The following JARID2 variants were observed in gnomAD, a reference collection of about 807,000 sequenced individuals.
JARID2 encodes the protein protein Jumonji.
In JARID2, 21 loss-of-function variants were observed where a neutral mutation model predicts 125.6. That is an observed-to-expected ratio of 0.17 (90% CI 0.12 to 0.24). The LOEUF (loss-of-function observed/expected upper bound fraction) is 0.24. JARID2 is among the 10% of genes least tolerant of loss of function. The pLI, the probability that JARID2 is intolerant of heterozygous loss-of-function variation, is 1.00. For missense variants in JARID2, 1,303 were observed against 1,639.6 expected, an observed-to-expected ratio of 0.79 and a Z score of 3.55; for synonymous variants, 736 against 661.6, an observed-to-expected ratio of 1.11 and a Z score of -1.73.
intron 1 of JARID2, chr6:15,248,896 G>GGAGGAGGAA (rs1313478985): frequency 1.2e-4 from 117 of 985,402 alleles, no homozygotes; most frequent in Non-Finnish European, 1.4e-4. Flanking sequence ...CTGCGGCGTG[G>GGAGGAGGAA]GAGGAGGAAG....
chr6:15,394,833 T>C (rs1765157480), intron 2 of JARID2, among the ~76,000 whole-genome samples: 1 of 152,062 alleles, frequency 6.6e-6, no homozygotes, highest in African/African-American at 2.4e-5. Context: ...CTGCCACACA[T>C]GCAGGACTCA....
chr6:15,484,326 C>T (rs1415637888), intron 5 of JARID2, among the ~76,000 whole-genome samples: 1 of 152,190 alleles, frequency 6.6e-6, no homozygotes, highest in African/African-American at 2.4e-5. Flanking sequence ...CATGGTCTGG[C>T]ATGAGTAGGA....
rs1222250099 is a variant in JARID2 at position 15,521,088 on chromosome 6, AAAAG to A, written c.*838_*841del. 1 of 160,820 alleles carries A rather than the reference AAAAG, an allele frequency of 6.2e-6. No individual in the cohort carries two copies. The highest frequency in any genetic ancestry group is 1.4e-5 in the Non-Finnish European group (1 of 73,402). The allele number at this position is 160,820 out of a possible 1,614,324, so 10.0% of individuals were successfully genotyped here. A position where few individuals can be genotyped will look rare whatever the true frequency, so the allele number is the denominator to read the frequency against. ...TTAAGATTTAAAAAAAAAAAAAAAA[AAAAG>A]GAAAAAAAAGTGATGGAAGCCGTAA... On this transcript the variant is annotated 3_prime_UTR_variant, in exon 18 of 18. Coordinates refer to ENST00000341776, the MANE Select transcript of JARID2 (RefSeq NM_004973.4).
intron 4 of JARID2, among the ~76,000 whole-genome samples, chr6:15,464,604 GCTTAAC>G (rs1350807492): frequency 1.3e-5 from 2 of 152,290 alleles, no homozygotes; most frequent in East Asian, 3.9e-4. Context: ...AGGGGTACAA[GCTTAAC>G]CTCTGAACTA....
intron 4 of JARID2, among the ~76,000 whole-genome samples, chr6:15,467,330 G>T (rs554624278): frequency 9.2e-5 from 14 of 152,180 alleles, no homozygotes; most frequent in Non-Finnish European, 1.9e-4. Context: ...TCTCTTCGGT[G>T]ATGTTACTGG....
In JARID2 at chr6:15,331,055, A is replaced by G. The variant is rs1217445975; in HGVS notation, c.46-43062A>G. On this transcript the variant is annotated intron_variant, in intron 1 of 17. Transcript: ENST00000341776. ...TTAACTACTCATTTAATAAAGCAAA[A>G]AGGCTGGATGTGATAGCTCACACCT... Among the ~76,000 whole-genome samples, 3 of 152,098 alleles carry G rather than the reference A, an allele frequency of 2.0e-5. No homozygotes were observed. In the East Asian group the frequency reaches 5.8e-4, roughly 29 times the overall value.
At chr6:15,259,747 A>G (rs1260744082) in intron 1 of JARID2, among the ~76,000 whole-genome samples, 1 of 152,158 alleles carries the variant, frequency 6.6e-6, no homozygotes, top group Non-Finnish European at 1.5e-5. Context: ...TGGGACTCCT[A>G]GCTGGTTACA....
At chr6:15,305,304 G>C (rs1323863400) in intron 1 of JARID2, among the ~76,000 whole-genome samples, 1 of 152,026 alleles carries the variant, frequency 6.6e-6, no homozygotes, top group Non-Finnish European at 1.5e-5. Flanking sequence ...TTCTTATTCA[G>C]AGAGCAACTC....
intron 1 of JARID2, among the ~76,000 whole-genome samples, chr6:15,308,106 C>T (rs1445636944): frequency 2.0e-5 from 3 of 152,224 alleles, no homozygotes; most frequent in African/African-American, 4.8e-5. Flanking sequence ...GGAATACCCT[C>T]ACCCCTTAGC....
At chr6:15,422,248 G>T (rs191608333) in intron 3 of JARID2, among the ~76,000 whole-genome samples, 4 of 152,178 alleles carry the variant, frequency 2.6e-5, no homozygotes, top group Non-Finnish European at 4.4e-5. Context: ...CCTTCTGGAC[G>T]AATACTCTTT....
intron 2 of JARID2, among the ~76,000 whole-genome samples, chr6:15,400,243 C>G (rs936852470): frequency 2.6e-5 from 4 of 151,578 alleles, no homozygotes; most frequent in Admixed American, 6.6e-5. Flanking sequence ...GTGGCCCATG[C>G]GGTCACTTCA....
At position 15,504,723 on chromosome 6, in the gene JARID2, C is replaced by A. The variant is rs2127751050; in HGVS notation, c.2541+131C>A. ...GGACTCAGATGGGGCTGAGTTCGTC[C>A]TCTGTGTTGAGCGTGCACCAGGGCA... On this transcript the variant is annotated intron_variant, in intron 9 of 17. Transcript: ENST00000341776. 1.1e-5 allele frequency: 7 copies of A among 648,252 alleles called. No individual in the cohort carries two copies. The South Asian group carries it at 1.2e-4, about 11-fold the overall frequency. The allele number at this position is 648,252 out of a possible 1,614,324, so 40.2% of individuals were successfully genotyped here. A position where few individuals can be genotyped will look rare whatever the true frequency, so the allele number is the denominator to read the frequency against.
At chr6:15,348,344 C>G (rs961899150) in intron 1 of JARID2, among the ~76,000 whole-genome samples, 1 of 152,146 alleles carries the variant, frequency 6.6e-6, no homozygotes, top group Admixed American at 6.5e-5. Flanking sequence ...TCTGCCTCAG[C>G]CTCCCAAAGT....
intron 1 of JARID2, among the ~76,000 whole-genome samples, chr6:15,322,957 G>C (rs1179465284): frequency 6.6e-6 from 1 of 152,182 alleles, no homozygotes; most frequent in Non-Finnish European, 1.5e-5. Context: ...AAAATTCCAA[G>C]CTGTTCTGAA....
Position 15,501,338 on chromosome 6 carries a change from G to C in JARID2, c.2377G>C (p.Glu793Gln). Residue 793 changes from glutamate to glutamine, a missense_variant, in exon 8 of 18, where the codon GAA (glutamate) becomes CAA (glutamine). Physicochemically the swap from Glu to Gln is conservative, Grantham distance 29 (BLOSUM62 2). This residue lies in a region of JARID2 where 124 missense variants were observed against 131.0 expected (regional missense o/e 0.95). Transcript: ENST00000341776. ...TGGCCGGCGGCGACTCTTCGCTCAG[G>C]AAAAAGAAGTGGTCAAGGAAGAGGA... The part of the protein sequence containing the change: ...KTGRRRLFAQ[E>Q]KEVVKEEEED... 1 of 1,602,310 alleles carries C rather than the reference G, an allele frequency of 6.2e-7. No individual in the cohort carries two copies.
At chr6:15,322,026 C>T (rs1277449023) in intron 1 of JARID2, among the ~76,000 whole-genome samples, 2 of 151,970 alleles carry the variant, frequency 1.3e-5, no homozygotes, top group East Asian at 1.9e-4. Flanking sequence ...CTCCTGACTT[C>T]GTTGTTCGCC....
intron 1 of JARID2, among the ~76,000 whole-genome samples, chr6:15,281,954 G>C (rs1561767086): frequency 6.6e-6 from 1 of 151,846 alleles, no homozygotes; most frequent in Non-Finnish European, 1.5e-5. Flanking sequence ...GTGTGTGTGT[G>C]TGTGTGTGTG....
chr6:15,292,310 C>T (rs1373088747), intron 1 of JARID2, among the ~76,000 whole-genome samples: 3 of 152,122 alleles, frequency 2.0e-5, no homozygotes, highest in South Asian at 4.1e-4. Context: ...CGTGAGACAC[C>T]GCGCCCAGCT....
At chr6:15,419,225 C>A (rs114427383) in intron 3 of JARID2, among the ~76,000 whole-genome samples, 138 of 152,228 alleles carry the variant, frequency 9.1e-4, no homozygotes, top group Non-Finnish European at 1.6e-3. Flanking sequence ...TTATTTTGTT[C>A]TTACAACCTG....
Sources: gnomAD v4.1 joint callset for allele counts (sites outside exome capture counted in the v4.1 genomes callset) on GRCh38, gnomAD v4.1.1 for gene constraint, gnomAD v4.1.1 regional missense constraint, MANE v1.5 for transcripts, NCBI Gene and HGNC (gene_info 2026-07-23, HGNC 2026-07-21) for gene names.